SENP6: variants seen among roughly 807,000 people sequenced by gnomAD.
SENP6 encodes the protein sentrin-specific protease 6.
A neutral mutation model predicts 134.5 loss-of-function variants in SENP6; 41 were observed. The observed-to-expected ratio is 0.30, with a 90% CI of 0.24 to 0.40. The LOEUF (loss-of-function observed/expected upper bound fraction) is 0.40, where lower values mean the gene tolerates loss of function less well. SENP6 is among the 10% of genes least tolerant of loss of function. The pLI, the probability that SENP6 is intolerant of heterozygous loss-of-function variation, is 1.00. For synonymous variants in SENP6, 395 were observed against 429.8 expected (o/e 0.92, Z 1.00); for missense variants, 1,248 against 1,312.5 (o/e 0.95, Z 0.76).
chr6:75,648,806 C>T (rs1405502183), intron 7 of SENP6, among the ~76,000 whole-genome samples: 1 of 152,046 alleles, frequency 6.6e-6, no homozygotes, highest in Non-Finnish European at 1.5e-5. Flanking sequence ...TACTTTTATC[C>T]TAGCTTTCTG....
intron 7 of SENP6, among the ~76,000 whole-genome samples, chr6:75,650,675 T>C (rs886789690): frequency 6.6e-6 from 1 of 152,244 alleles, no homozygotes; most frequent in African/African-American, 2.4e-5. Context: ...ACTTGTAAAC[T>C]TTGTTTTCAG....
At chr6:75,687,477 TG>T (rs1383992043) in intron 16 of SENP6, among the ~76,000 whole-genome samples, 1 of 152,188 alleles carries the variant, frequency 6.6e-6, no homozygotes, top group Non-Finnish European at 1.5e-5. Context: ...GAAGAAGAGG[TG>T]CTCTGATTTT....
intron 7 of SENP6, among the ~76,000 whole-genome samples, chr6:75,658,572 A>C (rs1463349778): frequency 1.3e-5 from 2 of 152,058 alleles, no homozygotes; most frequent in Non-Finnish European, 2.9e-5. Context: ...AATCATTTAA[A>C]CATTATAATT....
intron 14 of SENP6, chr6:75,678,032 G>A (rs1000650944): frequency 6.6e-6 from 1 of 152,532 alleles, no homozygotes; most frequent in African/African-American, 2.4e-5. Context: ...AGAAGAAAGG[G>A]AAATGGTTCT....
In SENP6 at chr6:75,717,331, A is replaced by G. The variant is rs1407350573; in HGVS notation, c.*1737A>G. 6.6e-6 allele frequency: 1 copy of G among 152,036 alleles called. No homozygotes were observed. Among genetic ancestry groups the G allele is most frequent in the Non-Finnish European group, 1.5e-5 (1 of 67,898 alleles). 9.4% of individuals were successfully genotyped at this position (152,036 alleles called of 1,614,324 possible). On this transcript the variant is annotated 3_prime_UTR_variant, in exon 24 of 24. Coordinates refer to ENST00000447266, the MANE Select transcript of SENP6 (RefSeq NM_015571.4). ...GAAGGTACTGAAAAACTATTCTAAAATGCCTACTTGTTTTTGCATTAATTT... is the reference window on the plus strand; with the variant it reads ...GAAGGTACTGAAAAACTATTCTAAAGTGCCTACTTGTTTTTGCATTAATTT...
rs541528947 is a variant in SENP6, at chr6:75,662,070, A to T, written c.697-1151A>T. On this transcript the variant is annotated intron_variant, in intron 8 of 23. Coordinates refer to ENST00000447266, the MANE Select transcript of SENP6 (RefSeq NM_015571.4). ...TCCTTCTCAAAATAAATAAATAAAT[A>T]AATAAATAAAACAAGATCTGTGAAT... Among the ~76,000 whole-genome samples, 5 of 148,826 alleles carry T rather than the reference A, an allele frequency of 3.4e-5. No individual in the cohort carries two copies. In the South Asian group the frequency reaches 1.0e-3, roughly 31 times the overall value.
chr6:75,697,361 C>T, intron 17 of SENP6, 64 bp from the exon 18 acceptor site: 1 of 1,111,784 alleles, frequency 9.0e-7, no homozygotes, highest in South Asian at 1.6e-5. Flanking sequence ...ATTTATAAAT[C>T]ACTACATATA....
chr6:75,622,312 C>A (rs1162278268), intron 2 of SENP6, among the ~76,000 whole-genome samples: 1 of 152,184 alleles, frequency 6.6e-6, no homozygotes, highest in African/African-American at 2.4e-5. Context: ...AATCCCAACA[C>A]TTTGGAAGGC....
intron 1 of SENP6, among the ~76,000 whole-genome samples, chr6:75,620,198 A>T (rs554027573): frequency 1.3e-5 from 2 of 151,712 alleles, no homozygotes. Context: ...GCATCTTTTC[A>T]TGGGAGGATA....
intron 5 of SENP6, among the ~76,000 whole-genome samples, chr6:75,635,276 A>G (rs1408287437): frequency 2.0e-5 from 3 of 152,154 alleles, no homozygotes; most frequent in African/African-American, 7.2e-5. Flanking sequence ...GTTCTCATTG[A>G]TCTTGAAAGT....
In SENP6 at chr6:75,610,141, C is replaced by T. The variant is rs140817616; in HGVS notation, c.52+7565C>T. 3.2e-3 allele frequency among the ~76,000 whole-genome samples: 493 copies of T among 152,194 alleles called. 2 individuals carry two copies. The highest frequency in any genetic ancestry group is 0.014 in the Middle Eastern group (4 of 294). ...GGATTCAGGAATTTCTGAAACTAGG[C>T]AAGCATAAGTATGGACAAAAGAGGA... On this transcript the variant is annotated intron_variant, in intron 1 of 23. Coordinates refer to ENST00000447266, the MANE Select transcript of SENP6 (RefSeq NM_015571.4).
chr6:75,653,159 T>C (rs541257605), intron 7 of SENP6, among the ~76,000 whole-genome samples: 13 of 152,296 alleles, frequency 8.5e-5, no homozygotes, highest in Middle Eastern at 3.4e-3. Context: ...CCCTCCCGAA[T>C]AGCTGGGATT....
rs560614389 is a variant in SENP6 at position 75,670,469 on chromosome 6, T to C, written c.1225-84T>C. 4.1e-5 allele frequency: 35 copies of C among 855,876 alleles called. No individual in the cohort carries two copies. The East Asian group carries it at 7.6e-4, about 19-fold the overall frequency. The allele number at this position is 855,876 out of a possible 1,614,324, so 53.0% of individuals were successfully genotyped here. On this transcript the variant is annotated intron_variant, in intron 10 of 23. Transcript: ENST00000447266. ...TATGTTGTGATATTTACATTTCTTA[T>C]ATTGGGTCTTTGCATATGTTTATAC... is the stretch of plus-strand genomic sequence containing the variant.
intron 1 of SENP6, chr6:75,611,145 A>G (rs551920622): frequency 1.1e-4 from 16 of 152,314 alleles, no homozygotes; most frequent in Non-Finnish European, 1.0e-4. Context: ...TGAAGGTACT[A>G]CTTAACTACC....
intron 21 of SENP6, 69 bp downstream of exon 21, chr6:75,711,485 G>T: frequency 2.3e-6 from 2 of 885,394 alleles, no homozygotes; most frequent in South Asian, 2.2e-5. Context: ...TAACAGGACA[G>T]TTTTTTTTTT....
At chr6:75,701,209 G>A (rs185794475) in intron 18 of SENP6, among the ~76,000 whole-genome samples, 23 of 152,234 alleles carry the variant, frequency 1.5e-4, no homozygotes, top group African/African-American at 4.8e-4. Flanking sequence ...AAATATTATT[G>A]TGCTTGACCA....
chr6:75,613,749 T>C (rs936817335), intron 1 of SENP6, among the ~76,000 whole-genome samples: 2 of 152,184 alleles, frequency 1.3e-5, no homozygotes, highest in African/African-American at 4.8e-5. Flanking sequence ...TACCCTTATT[T>C]GTTTAGGAAA....
intron 3 of SENP6, 39 bp downstream of exon 3, chr6:75,623,999 A>G (rs542861543): frequency 4.1e-5 from 61 of 1,490,910 alleles, no homozygotes; most frequent in African/African-American, 2.4e-4. Context: ...TTTACATTAT[A>G]TACAAAAAAA....
At chr6:75,632,376 T>C (rs1254494134) in intron 3 of SENP6, among the ~76,000 whole-genome samples, 1 of 152,188 alleles carries the variant, frequency 6.6e-6, no homozygotes, top group Non-Finnish European at 1.5e-5. Context: ...CCAGTCAGAA[T>C]AGCAAACTCT....
Sources: gnomAD v4.1 joint callset for allele counts (sites outside exome capture counted in the v4.1 genomes callset) on GRCh38, gnomAD v4.1.1 for gene constraint, MANE v1.5 for transcripts, NCBI Gene and HGNC (gene_info 2026-07-23, HGNC 2026-07-21) for gene names.